The following ASPH variants were observed in gnomAD, a reference collection of about 807,000 sequenced individuals.
The protein encoded by ASPH is aspartyl/asparaginyl beta-hydroxylase.
ASPH carries 100 observed loss-of-function variants against 118.4 expected under a neutral mutation model. That is an observed-to-expected ratio of 0.84 (90% confidence interval 0.72 to 1.00). The LOEUF (loss-of-function observed/expected upper bound fraction) is 1.00. Ranked by LOEUF, ASPH falls within the 50% of genes least tolerant of loss-of-function variation. The pLI is 0.00. For synonymous variants in ASPH, 315 were observed against 325.6 expected (o/e 0.97, Z 0.35); for missense variants, 920 against 919.5 (o/e 1.00, Z -0.01).
At chr8:61,569,527 C>T (rs1235703312) in intron 16 of ASPH, among the ~76,000 whole-genome samples, 1 of 151,956 alleles carries the variant, frequency 6.6e-6, no homozygotes, top group African/African-American at 2.4e-5. Flanking sequence ...AACAAACAAA[C>T]AAACAAACCT....
chr8:61,503,314 A>C lies in ASPH; in HGVS notation c.*45T>G, dbSNP rs957678746. ...TCACACCCAAGGAGATGGAACCAGAAAGGCAGCCTCTCTCCAGAGTTTCCC... is the reference window on the plus strand; with the variant it reads ...TCACACCCAAGGAGATGGAACCAGACAGGCAGCCTCTCTCCAGAGTTTCCC... On this transcript the variant is annotated 3_prime_UTR_variant, in exon 25 of 25. Transcript: ENST00000379454. 1 of 1,561,226 alleles carries C rather than the reference A, an allele frequency of 6.4e-7. No homozygotes were observed. Among genetic ancestry groups the C allele is most frequent in the Non-Finnish European group, 8.7e-7 (1 of 1,148,594 alleles).
intron 1 of ASPH, among the ~76,000 whole-genome samples, chr8:61,691,245 T>C (rs1468579262): frequency 4.6e-5 from 7 of 152,114 alleles, no homozygotes; most frequent in Admixed American, 3.9e-4. Context: ...ATTGAATGCA[T>C]GGTAAGATAA....
rs1804707262 is a variant in ASPH at position 61,500,710 on chromosome 8, T to G, written c.*2649A>C. 6.6e-6 allele frequency: 1 copy of G among 152,232 alleles called. No individual in the cohort carries two copies. The highest frequency in any genetic ancestry group is 2.4e-5 in the African/African-American group (1 of 41,464). 9.4% of individuals were successfully genotyped at this position (152,232 alleles called of 1,614,324 possible). On this transcript the variant is annotated 3_prime_UTR_variant, in exon 25 of 25. Transcript: ENST00000379454. ...CAAGACCAGTGCATATTTTTAGACA[T>G]CTCTTATTCGCCCAGCCATCTGCAT...
chr8:61,711,134 G>T (rs1837965946), intron 1 of ASPH, among the ~76,000 whole-genome samples: 1 of 152,144 alleles, frequency 6.6e-6, no homozygotes, highest in African/African-American at 2.4e-5. Context: ...CTAAAAGGGG[G>T]ATATATTCTA....
chr8:61,593,075 T>C (rs972202449), intron 14 of ASPH, among the ~76,000 whole-genome samples: 9 of 152,170 alleles, frequency 5.9e-5, no homozygotes, highest in African/African-American at 2.2e-4. Context: ...GTGGGAATTG[T>C]GCAAGGTATT....
intron 21 of ASPH, among the ~76,000 whole-genome samples, chr8:61,532,468 C>G (rs959962840): frequency 1.5e-4 from 23 of 152,134 alleles, no homozygotes; most frequent in African/African-American, 5.6e-4. Flanking sequence ...AATACTTTCT[C>G]CTGTTCCATA....
intron 3 of ASPH, among the ~76,000 whole-genome samples, chr8:61,666,683 G>T (rs1465369912): frequency 5.9e-5 from 9 of 152,060 alleles, no homozygotes; most frequent in African/African-American, 1.9e-4. Context: ...ACCACATAGG[G>T]TTTCTCCATT....
Position 61,646,802 on chromosome 8 carries a change from C to T in ASPH, c.567G>A (p.Ala189=), listed in dbSNP as rs763560642. 56 of 1,613,868 alleles carry T rather than the reference C, an allele frequency of 3.5e-5. No homozygotes were observed. Among genetic ancestry groups the T allele is most frequent in the South Asian group, 4.4e-5 (4 of 91,060 alleles). Residue 189 remains alanine, a synonymous_variant, in exon 6 of 25, where the codon GCG becomes GCA. Coordinates refer to ENST00000379454, the MANE Select transcript of ASPH (RefSeq NM_004318.4). Reference sequence around the variant, plus strand: ...TCTCAAATCTATCATCTACATCAGTCGCCATAAGAAACTCATCATCCTCTT... The same window carrying T: ...TCTCAAATCTATCATCTACATCAGTTGCCATAAGAAACTCATCATCCTCTT... ...PQQEDDEFLM[A]TDVDDRFETL...
At chr8:61,510,490 C>A (rs1432181839) in intron 24 of ASPH, among the ~76,000 whole-genome samples, 18 of 152,170 alleles carry the variant, frequency 1.2e-4, no homozygotes, top group Non-Finnish European at 2.6e-4. Context: ...ACCTAGAAAC[C>A]ACCACACATC....
intron 3 of ASPH, chr8:61,664,617 G>A: frequency 1.0e-6 from 1 of 986,538 alleles, no homozygotes; most frequent in African/African-American, 1.7e-5. Context: ...GAGGTGAGGA[G>A]TGAAGGAAAG....
chr8:61,643,803 A>G (rs749475795), intron 8 of ASPH, 142 bp downstream of exon 8: 7 of 716,366 alleles, frequency 9.8e-6, no homozygotes, highest in Non-Finnish European at 1.7e-5. Flanking sequence ...ACATTTCTAT[A>G]AACATCTGAC....
At chr8:61,619,131 T>C (rs1850024848) in intron 13 of ASPH, 112 bp from the exon 14 acceptor site, 3 of 671,768 alleles carry the variant, frequency 4.5e-6, no homozygotes, top group South Asian at 4.8e-5. Flanking sequence ...GAAAAATATA[T>C]CTGAGCATAC....
chr8:61,562,542 CTAAG>C (rs1563828292), intron 18 of ASPH, among the ~76,000 whole-genome samples, 198 bp downstream of exon 18: 2 of 151,772 alleles, frequency 1.3e-5, no homozygotes, highest in African/African-American at 2.4e-5. Flanking sequence ...CTTTAATGTA[CTAAG>C]TGTTAACTAA....
chr8:61,641,397 G>A (rs1415902316), intron 10 of ASPH, among the ~76,000 whole-genome samples: 3 of 152,074 alleles, frequency 2.0e-5, no homozygotes, highest in Admixed American at 2.0e-4. Context: ...CATGCAACTT[G>A]TATTTATAAA....
At chr8:61,684,543 A>T (rs1829632677) in intron 1 of ASPH, 1 of 171,622 alleles carries the variant, frequency 5.8e-6, no homozygotes, top group Non-Finnish European at 1.2e-5. Flanking sequence ...AATGTAGCCA[A>T]ATCCTTTTCT....
At chr8:61,596,138 C>A (rs1368580377) in intron 14 of ASPH, among the ~76,000 whole-genome samples, 1 of 152,096 alleles carries the variant, frequency 6.6e-6, no homozygotes, top group Non-Finnish European at 1.5e-5. Context: ...GATTGGTTCA[C>A]CTGGCCCGCC....
At chr8:61,569,044 G>A (rs1832680883) in intron 16 of ASPH, among the ~76,000 whole-genome samples, 1 of 152,198 alleles carries the variant, frequency 6.6e-6, no homozygotes, top group Non-Finnish European at 1.5e-5. Flanking sequence ...CCTTCAGCAG[G>A]TGAGAGAGGA....
rs1239268097 is a variant in ASPH at position 61,500,726 on chromosome 8, C to CCAT, written c.*2630_*2632dup. 6.6e-6 allele frequency: 1 copy of CCAT among 152,156 alleles called. No homozygotes were observed. Among genetic ancestry groups the CCAT allele is most frequent in the East Asian group, 1.9e-4 (1 of 5,200 alleles). The allele number at this position is 152,156 out of a possible 1,614,324, so 9.4% of individuals were successfully genotyped here. ...TTTTAGACATCTCTTATTCGCCCAG[C>CCAT]CATCTGCATGACATGGGTATTTATT... On this transcript the variant is annotated 3_prime_UTR_variant, in exon 25 of 25. Coordinates refer to ENST00000379454, the MANE Select transcript of ASPH (RefSeq NM_004318.4).
intron 10 of ASPH, among the ~76,000 whole-genome samples, chr8:61,640,744 C>T (rs752587147): frequency 6.6e-6 from 1 of 152,118 alleles, no homozygotes; most frequent in Non-Finnish European, 1.5e-5. Context: ...TGTTTCAGAC[C>T]GAAGACACTA....
Sources: gnomAD v4.1 joint callset for allele counts (sites outside exome capture counted in the v4.1 genomes callset) on GRCh38, gnomAD v4.1.1 for gene constraint, MANE v1.5 for transcripts, NCBI Gene and HGNC (gene_info 2026-07-23, HGNC 2026-07-21) for gene names.